Variants in CDRT4 observed in about 807,000 individuals in gnomAD.
CDRT4 encodes the protein CMT1A duplicated region transcript 4.
For synonymous variants in CDRT4, 64 were observed against 69.6 expected, an observed-to-expected ratio of 0.92 and a Z score of 0.40; for missense variants, 167 against 193.1, an observed-to-expected ratio of 0.87 and a Z score of 0.80.
At chr17:15,448,935 C>G (rs12940533) in intron 2 of CDRT4, among the ~76,000 whole-genome samples, 1 of 152,224 alleles carries the variant, frequency 6.6e-6, no homozygotes, top group Non-Finnish European at 1.5e-5. Context: ...CCTTGACCTG[C>G]TCATTTCCAA....
chr17:15,462,069 A>T (rs1182188481), intron 1 of CDRT4, among the ~76,000 whole-genome samples: 2 of 152,164 alleles, frequency 1.3e-5, no homozygotes, highest in South Asian at 2.1e-4. Context: ...AGCACAGCAC[A>T]CTTAGGGAAC....
At chr17:15,466,844 C>A (rs1008721938) in intron 1 of CDRT4, among the ~76,000 whole-genome samples, 1 of 152,226 alleles carries the variant, frequency 6.6e-6, no homozygotes, top group Non-Finnish European at 1.5e-5. Flanking sequence ...GGTGGGATTA[C>A]AAGCATGATT....
rs1978505912 is a variant in CDRT4 at position 15,436,740 on chromosome 17, G to A, written c.*1033C>T. The A allele has an allele frequency of 6.6e-6, 1 of 152,086 alleles. No individual in the cohort carries two copies. Among genetic ancestry groups the A allele is most frequent in the Non-Finnish European group, 1.5e-5 (1 of 68,104 alleles). The allele number at this position is 152,086 out of a possible 1,614,324, so 9.4% of individuals were successfully genotyped here. A position where few individuals can be genotyped will look rare whatever the true frequency, so the allele number is the denominator to read the frequency against. On this transcript the variant is annotated 3_prime_UTR_variant, in exon 4 of 4. Transcript: ENST00000619038. Reference sequence around the variant, plus strand: ...ACTGCCACTTTGTTTGCCCTCCAAGGGAAAAACCTCTCAATACCAGGTCCA... The same window carrying A: ...ACTGCCACTTTGTTTGCCCTCCAAGAGAAAAACCTCTCAATACCAGGTCCA...
intron 1 of CDRT4, among the ~76,000 whole-genome samples, chr17:15,459,697 C>T (rs977836013): frequency 1.3e-5 from 2 of 152,080 alleles, no homozygotes; most frequent in African/African-American, 2.4e-5. Context: ...CCGCCCGCCT[C>T]GGCCTCCCAA....
At chr17:15,466,301 G>A (rs1226899195) in intron 1 of CDRT4, among the ~76,000 whole-genome samples, 1 of 152,158 alleles carries the variant, frequency 6.6e-6, no homozygotes, top group Non-Finnish European at 1.5e-5. Flanking sequence ...GTGGGCTTCG[G>A]GCTCAGGCCT....
intron 1 of CDRT4, among the ~76,000 whole-genome samples, chr17:15,462,216 C>G (rs1979783666): frequency 6.6e-6 from 1 of 151,990 alleles, no homozygotes; most frequent in African/African-American, 2.4e-5. Flanking sequence ...ATCACGAGGT[C>G]AGGAGATCGA....
At chr17:15,452,402 A>G (rs1277730432) in intron 2 of CDRT4, 1 of 152,256 alleles carries the variant, frequency 6.6e-6, no homozygotes, top group Non-Finnish European at 1.5e-5. Flanking sequence ...CTTTGTTGAA[A>G]GAAGAAATGA....
At chr17:15,454,226 T>C (rs1274594264) in intron 1 of CDRT4, among the ~76,000 whole-genome samples, 1 of 152,066 alleles carries the variant, frequency 6.6e-6, no homozygotes, top group East Asian at 1.9e-4. Flanking sequence ...ACTTTTCACA[T>C]CCCAAGAGTC....
intron 1 of CDRT4, among the ~76,000 whole-genome samples, chr17:15,456,461 T>A (rs1597466203): frequency 2.0e-5 from 3 of 152,198 alleles, no homozygotes; most frequent in Admixed American, 2.0e-4. Flanking sequence ...GATCAAAGTG[T>A]CAGGTTCTGT....
intron 2 of CDRT4, among the ~76,000 whole-genome samples, chr17:15,445,792 T>C (rs1020690590): frequency 7.2e-5 from 11 of 152,160 alleles, no homozygotes; most frequent in Admixed American, 6.5e-4. Flanking sequence ...TCTTCTCTGC[T>C]CCAATCTGCA....
Position 15,438,133 on chromosome 17 carries a change from G to A in CDRT4, c.99C>T (p.Val33=), listed in dbSNP as rs772795147. 30 of 1,614,048 alleles carry A rather than the reference G, an allele frequency of 1.9e-5. 1 individual carries two copies. The highest frequency in any genetic ancestry group is 1.6e-4 in the Middle Eastern group (1 of 6,084). Residue 33 remains valine, a synonymous_variant, in exon 4 of 4, where the codon GTC becomes GTT. Transcript: ENST00000619038. ...TTTTCACTGTCTGAGAGGTATAGGT[G>A]ACATAGGCCGGCCAGGGGTCATGTT... is the stretch of plus-strand genomic sequence containing the variant. ...LEKHDPWPAY[V]TYTSQTVKRL...
At chr17:15,460,881 G>A (rs1182670779) in intron 1 of CDRT4, among the ~76,000 whole-genome samples, 4 of 108,294 alleles carry the variant, frequency 3.7e-5, no homozygotes, top group East Asian at 2.8e-4. Context: ...TCCCTCCCCC[G>A]CCTTCCCCAC....
At chr17:15,449,169 C>T (rs1467766037) in intron 2 of CDRT4, among the ~76,000 whole-genome samples, 1 of 152,224 alleles carries the variant, frequency 6.6e-6, no homozygotes, top group Non-Finnish European at 1.5e-5. Context: ...AGGAAAACGC[C>T]ACTGTGCCGA....
At position 15,436,015 on chromosome 17, in the gene CDRT4, T is replaced by TA. The variant is rs1226068169; in HGVS notation, c.*1757dup. On this transcript the variant is annotated 3_prime_UTR_variant, in exon 4 of 4. Transcript: ENST00000619038. ...AACACCCATAAAAGAACAAAAGAGA[T>TA]AAAAAAATTATTGGAGGAATTTATT... 1.3e-5 allele frequency: 2 copies of TA among 152,032 alleles called. No homozygotes were observed. Among genetic ancestry groups the TA allele is most frequent in the Non-Finnish European group, 2.9e-5 (2 of 68,010 alleles). 9.4% of individuals were successfully genotyped at this position (152,032 alleles called of 1,614,324 possible).
In CDRT4 at chr17:15,456,631, C is replaced by T. The variant is rs149632531; in HGVS notation, c.-129-3546G>A. Among the ~76,000 whole-genome samples the T allele has an allele frequency of 3.8e-3, 572 of 151,544 alleles. 9 individuals are homozygous for T. Among genetic ancestry groups the T allele is most frequent in the Non-Finnish European group, 6.0e-3 (405 of 67,994 alleles). On this transcript the variant is annotated intron_variant, in intron 1 of 3. Transcript: ENST00000619038. ...AGTAGGTTTCCAGAATCCAACAGCACGGGGTCTAGAATGGAGTAAGTTTTA... is the reference window on the plus strand; with the variant it reads ...AGTAGGTTTCCAGAATCCAACAGCATGGGGTCTAGAATGGAGTAAGTTTTA...
chr17:15,446,288 C>T (rs1285031842), intron 2 of CDRT4, among the ~76,000 whole-genome samples: 1 of 152,132 alleles, frequency 6.6e-6, no homozygotes. Flanking sequence ...TGACTCTCTC[C>T]ACTTCTTTAC....
chr17:15,439,425 T>G (rs1978652142), intron 3 of CDRT4, among the ~76,000 whole-genome samples: 1 of 152,198 alleles, frequency 6.6e-6, no homozygotes, highest in Admixed American at 6.5e-5. Flanking sequence ...CATCTCCCTG[T>G]AAAAGTCATG....
intron 1 of CDRT4, among the ~76,000 whole-genome samples, chr17:15,462,555 T>C (rs1050593208): frequency 3.9e-5 from 6 of 152,022 alleles, no homozygotes; most frequent in African/African-American, 1.4e-4. Flanking sequence ...CAGACAGAAT[T>C]GCCCATATAT....
intron 1 of CDRT4, among the ~76,000 whole-genome samples, chr17:15,461,975 C>T (rs562822379): frequency 1.3e-5 from 2 of 151,982 alleles, no homozygotes; most frequent in Non-Finnish European, 2.9e-5. Context: ...CAAAGACTGG[C>T]CGAAGGTGAG....
Sources: allele counts gnomAD v4.1 joint callset (sites outside exome capture counted in the v4.1 genomes callset), GRCh38; gene constraint gnomAD v4.1.1; transcripts MANE v1.5; gene names NCBI Gene and HGNC (gene_info 2026-07-23, HGNC 2026-07-21).